Variants in ZNF875 observed in about 807,000 individuals in gnomAD.
The protein encoded by ZNF875 is HKR1, GLI-Kruppel zinc finger family member.
In ZNF875, 14 loss-of-function variants were observed where a neutral mutation model predicts 11.2. That is an observed-to-expected ratio of 1.26 (90% CI 0.83 to 1.96). The LOEUF (loss-of-function observed/expected upper bound fraction) is 1.96, where lower values mean the gene tolerates loss of function less well. Ranked by LOEUF, ZNF875 falls within the 30% of genes most tolerant of loss-of-function variation. The probability of loss-of-function intolerance (pLI) is 0.00; values close to 1 mark genes in which losing one functional copy is unlikely to be tolerated. For synonymous variants in ZNF875, 301 were observed against 281.1 expected, an observed-to-expected ratio of 1.07 and a Z score of -0.71; for missense variants, 752 against 760.4, an observed-to-expected ratio of 0.99 and a Z score of 0.13.
chr19:37,363,925 G>A lies in ZNF875; in HGVS notation c.*150G>A. 9.3e-6 allele frequency: 6 copies of A among 647,902 alleles called. No individual in the cohort carries two copies. Among genetic ancestry groups the A allele is most frequent in the East Asian group, 8.3e-5 (3 of 36,276 alleles). 40.1% of individuals were successfully genotyped at this position (647,902 alleles called of 1,614,324 possible). A position where few individuals can be genotyped will look rare whatever the true frequency, so the allele number is the denominator to read the frequency against. On this transcript the variant is annotated 3_prime_UTR_variant, in exon 5 of 5. Coordinates refer to ENST00000392153, the MANE Select transcript of ZNF875 (RefSeq NM_001353803.2). ...TCTGTGTGTGATTATGCATGAGACTGTACTGGTAAGACTTGTATCTCCATC... is the reference window on the plus strand; with the variant it reads ...TCTGTGTGTGATTATGCATGAGACTATACTGGTAAGACTTGTATCTCCATC...
chr19:37,340,380 A>G (rs1246266606), intron 2 of ZNF875, among the ~76,000 whole-genome samples: 1 of 152,146 alleles, frequency 6.6e-6, no homozygotes, highest in Non-Finnish European at 1.5e-5. Flanking sequence ...TTCTTCTCTC[A>G]CATGAAAGCT....
chr19:37,323,554 C>T (rs1356816757), exon 3 of ZNF875: 1 of 152,176 alleles, frequency 6.6e-6, no homozygotes, highest in African/African-American at 2.4e-5. Flanking sequence ...GAACAAGTCT[C>T]TCTAGAGATT....
intron 4 of ZNF875, among the ~76,000 whole-genome samples, chr19:37,349,697 C>T (rs148885622): frequency 2.1e-3 from 312 of 152,194 alleles, no homozygotes; most frequent in African/African-American, 6.7e-3. Context: ...CTCTGTCACC[C>T]AGCCAGGAGT....
rs901106613 is a variant in ZNF875, at chr19:37,361,244, G to A, written c.257-865G>A. On this transcript the variant is annotated intron_variant, in intron 4 of 4. Transcript: ENST00000392153. ...TCCTGCCTCAGCCTCCCAAGTAGCC[G>A]AGACTACATGTGTGTGCTACCATAG... 4.0e-5 allele frequency among the ~76,000 whole-genome samples: 6 copies of A among 151,738 alleles called. No individual in the cohort carries two copies. The East Asian group carries it at 5.8e-4, about 15-fold the overall frequency.
chr19:37,348,601 C>G (rs748077417), intron 4 of ZNF875, among the ~76,000 whole-genome samples: 17 of 152,272 alleles, frequency 1.1e-4, no homozygotes, highest in Middle Eastern at 6.8e-3. Flanking sequence ...ATATGTAGCT[C>G]TGCTTCATTC....
upstream of ZNF875, among the ~76,000 whole-genome samples, chr19:37,329,759 T>TC (rs763958371): frequency 2.0e-5 from 3 of 152,220 alleles, no homozygotes; most frequent in Non-Finnish European, 2.9e-5. Context: ...TGGGCCCTCC[T>TC]CTTCAGTGGA....
At chr19:37,342,347 A>G (rs893009540) in intron 2 of ZNF875, among the ~76,000 whole-genome samples, 2 of 151,688 alleles carry the variant, frequency 1.3e-5, no homozygotes, top group African/African-American at 4.9e-5. Flanking sequence ...AAGCTGTATA[A>G]TTGCTTCTTC....
At chr19:37,355,639 AAT>A (rs757631095) in intron 4 of ZNF875, among the ~76,000 whole-genome samples, 1 of 152,202 alleles carries the variant, frequency 6.6e-6, no homozygotes, top group Non-Finnish European at 1.5e-5. Context: ...CATATAGAAT[AAT>A]ATGGTTTTTT....
At chr19:37,357,946 T>G (rs1224212556) in intron 4 of ZNF875, 1 of 398,460 alleles carries the variant, frequency 2.5e-6, no homozygotes, top group East Asian at 3.6e-5. Context: ...CATCCTTTTC[T>G]TGTTCCACTT....
intron 3 of ZNF875, 127 bp downstream of exon 3, chr19:37,347,443 T>C: frequency 1.2e-6 from 1 of 821,904 alleles, no homozygotes; most frequent in Non-Finnish European, 1.9e-6. Context: ...ACTTTTTTCC[T>C]CTGGGTAAAT....
intron 4 of ZNF875, among the ~76,000 whole-genome samples, chr19:37,327,803 A>G (rs2032747832): frequency 6.6e-6 from 1 of 152,042 alleles, no homozygotes; most frequent in Non-Finnish European, 1.5e-5. Flanking sequence ...ATCAAAAATG[A>G]AAATTTATTT....
chr19:37,326,514 A>T (rs1283323007), intron 4 of ZNF875, among the ~76,000 whole-genome samples: 4 of 151,976 alleles, frequency 2.6e-5, no homozygotes, highest in African/African-American at 7.3e-5. Flanking sequence ...TTCCCATAAC[A>T]TGTGACGTGC....
upstream of ZNF875, among the ~76,000 whole-genome samples, chr19:37,315,910 T>C (rs2030158447): frequency 6.6e-6 from 1 of 152,110 alleles, no homozygotes; most frequent in South Asian, 2.1e-4. Flanking sequence ...CTGAGGTGAA[T>C]GTGTAAGAAT....
chr19:37,334,480 T>C (rs963089426), upstream of ZNF875: 1 of 314,238 alleles, frequency 3.2e-6, no homozygotes, highest in African/African-American at 2.2e-5. Flanking sequence ...ATCTTAAGAG[T>C]GGGTTCGTAA....
At chr19:37,319,126 A>C (rs1431338359) in intron 1 of ZNF875, among the ~76,000 whole-genome samples, 2 of 149,996 alleles carry the variant, frequency 1.3e-5, no homozygotes, top group African/African-American at 2.5e-5. Context: ...GGCTCACTGC[A>C]ACCTCCGCCT....
chr19:37,348,211 T>C (rs2037196447), intron 4 of ZNF875, among the ~76,000 whole-genome samples: 1 of 152,250 alleles, frequency 6.6e-6, no homozygotes, highest in African/African-American at 2.4e-5. Context: ...ACTTTCTAGC[T>C]ACTCTTATGC....
chr19:37,334,613 C>G (rs2033891066), upstream of ZNF875: 1 of 451,002 alleles, frequency 2.2e-6, no homozygotes, highest in Non-Finnish European at 4.5e-6. Flanking sequence ...CCGCTCCCCT[C>G]CCTACCCTTC....
intron 2 of ZNF875, among the ~76,000 whole-genome samples, chr19:37,346,064 T>C (rs960219471): frequency 2.0e-5 from 3 of 152,174 alleles, no homozygotes; most frequent in African/African-American, 4.8e-5. Context: ...GCCATGCACA[T>C]GGAACTGATG....
exon 1 of ZNF875, chr19:37,312,861 A>C (rs1333263430): frequency 6.6e-6 from 1 of 151,568 alleles, no homozygotes; most frequent in African/African-American, 2.4e-5. Flanking sequence ...CCAGCCTCTC[A>C]CAGCCCGGAG....
Sources: allele counts gnomAD v4.1 joint callset (sites outside exome capture counted in the v4.1 genomes callset), GRCh38; gene constraint gnomAD v4.1.1; transcripts MANE v1.5; gene names NCBI Gene and HGNC (gene_info 2026-07-23, HGNC 2026-07-21).